The following SNX18 variants were observed in gnomAD, a reference collection of about 807,000 sequenced individuals.
The protein encoded by SNX18 is sorting nexin-18.
In SNX18, 35 loss-of-function variants were observed where a neutral mutation model predicts 48.7. The ratio of observed to expected loss-of-function variants is 0.72; its 90% CI spans 0.55 to 0.95. The LOEUF is 0.95. Ranked by LOEUF, SNX18 falls within the 40% of genes least tolerant of loss-of-function variation. SNX18 has a pLI of 0.00. For missense variants in SNX18, 824 were observed against 871.0 expected (o/e 0.95, Z 0.68); for synonymous variants, 492 against 384.7 (o/e 1.28, Z -3.26).
At chr5:54,531,865 C>T (rs1762257856) in intron 1 of SNX18, among the ~76,000 whole-genome samples, 1 of 152,218 alleles carries the variant, frequency 6.6e-6, no homozygotes, top group Non-Finnish European at 1.5e-5. Context: ...TCGGTACCAC[C>T]GTGGCATACA....
chr5:54,640,037 C>T, the SNX18 span, among the ~76,000 whole-genome samples: 3 of 152,088 alleles, frequency 2.0e-5, no homozygotes, highest in African/African-American at 7.2e-5. Context: ...TGAGACTGAA[C>T]ATACGGGGAT....
At chr5:54,602,761 C>T in the SNX18 span, among the ~76,000 whole-genome samples, 1 of 152,146 alleles carries the variant, frequency 6.6e-6, no homozygotes, top group African/African-American at 2.4e-5. Context: ...TATACATTGG[C>T]CTCCTTCCGG....
At position 54,543,237 on chromosome 5, in the gene SNX18, G is replaced by T. The variant is rs763906680; in HGVS notation, c.1680G>T (p.Val560=). 6.2e-7 allele frequency: 1 copy of T among 1,614,132 alleles called. No individual in the cohort carries two copies. The highest frequency in any genetic ancestry group is 1.1e-5 in the South Asian group (1 of 91,074). Residue 560 remains valine (V), a synonymous_variant, in exon 2 of 2, where the codon GTG becomes GTT. Coordinates refer to ENST00000381410, the MANE Select transcript of SNX18 (RefSeq NM_001102575.2). ...RRHVEEGKME[V]QKADGIQDRC... ...ACGTGGAGGAAGGGAAGATGGAGGT[G>T]CAGAAGGCTGACGGCATTCAGGATC...
chr5:54,543,237 G>C lies in SNX18; in HGVS notation c.1680G>C (p.Val560=). 6.2e-7 allele frequency: 1 copy of C among 1,614,132 alleles called. No homozygotes were observed. Among genetic ancestry groups the C allele is most frequent in the Non-Finnish European group, 8.5e-7 (1 of 1,180,016 alleles). ...RRHVEEGKME[V]QKADGIQDRC... is the part of the protein sequence containing the mutation. ...ACGTGGAGGAAGGGAAGATGGAGGT[G>C]CAGAAGGCTGACGGCATTCAGGATC... The change falls in exon 2 of 2, where the codon GTG becomes GTC. Residue 560 remains valine (V), a synonymous_variant. Transcript: ENST00000381410.
the SNX18 span, among the ~76,000 whole-genome samples, chr5:54,619,463 G>A: frequency 1.3e-5 from 2 of 152,142 alleles, no homozygotes; most frequent in Admixed American, 1.3e-4. Flanking sequence ...CTTGAATTTT[G>A]ATCACATCAC....
At chr5:54,644,556 G>A in the SNX18 span, 6 of 152,162 alleles carry the variant, frequency 3.9e-5, no homozygotes, top group African/African-American at 1.2e-4. Context: ...TTCCCAACAG[G>A]AAAATCACAT....
At chr5:54,588,306 C>CTTTTTTTTTTTTTTTTTTTTTTTT in the SNX18 span, among the ~76,000 whole-genome samples, 1 of 73,910 alleles carries the variant, frequency 1.4e-5, no homozygotes. Context: ...TATTTCTATT[C>CTTTTTTTTTTTTTTTTTTTTTTTT]TTTTTTTTTT....
chr5:54,590,911 G>A, the SNX18 span, among the ~76,000 whole-genome samples: 1 of 152,108 alleles, frequency 6.6e-6, no homozygotes, highest in Admixed American at 6.5e-5. Flanking sequence ...ATGAGTAAAT[G>A]TTCATTTGAT....
chr5:54,634,790 A>G, the SNX18 span, among the ~76,000 whole-genome samples: 4 of 152,170 alleles, frequency 2.6e-5, no homozygotes, highest in African/African-American at 9.7e-5. Flanking sequence ...CATATAATAC[A>G]TTTATAAATA....
At chr5:54,602,906 TAAC>T in the SNX18 span, among the ~76,000 whole-genome samples, 1 of 152,110 alleles carries the variant, frequency 6.6e-6, no homozygotes, top group African/African-American at 2.4e-5. Flanking sequence ...GAGAAGCAGT[TAAC>T]AACTGCCTGA....
the SNX18 span, among the ~76,000 whole-genome samples, chr5:54,552,580 A>G: frequency 6.6e-6 from 1 of 152,232 alleles, no homozygotes; most frequent in Non-Finnish European, 1.5e-5. Context: ...CAGTGCCAGC[A>G]CACATTGGAG....
At chr5:54,519,965 C>T in intron 1 of SNX18, 3 of 774,266 alleles carry the variant, frequency 3.9e-6, no homozygotes, top group Non-Finnish European at 6.1e-6. Context: ...TGGTGAGTTT[C>T]AAAAAGTGAG....
chr5:54,593,042 C>T, the SNX18 span, among the ~76,000 whole-genome samples: 1 of 152,072 alleles, frequency 6.6e-6, no homozygotes, highest in Admixed American at 6.6e-5. Flanking sequence ...CTCATGTGAT[C>T]CACACGCCTC....
At chr5:54,569,951 T>A in the SNX18 span, among the ~76,000 whole-genome samples, 2 of 152,158 alleles carry the variant, frequency 1.3e-5, no homozygotes, top group Non-Finnish European at 2.9e-5. Context: ...TTTTATTTTT[T>A]TATATATATA....
the SNX18 span, among the ~76,000 whole-genome samples, chr5:54,555,834 AAAAAAAG>A: frequency 1.3e-5 from 2 of 152,074 alleles, no homozygotes; most frequent in African/African-American, 2.4e-5. Flanking sequence ...CTCAAAAAAA[AAAAAAAG>A]AAAAAAGAAT....
At chr5:54,553,220 C>A in the SNX18 span, among the ~76,000 whole-genome samples, 2 of 152,194 alleles carry the variant, frequency 1.3e-5, no homozygotes, top group Non-Finnish European at 2.9e-5. Flanking sequence ...CAGGAAAGAA[C>A]ATGATCTGCC....
chr5:54,635,835 A>G, the SNX18 span, among the ~76,000 whole-genome samples: 1,141 of 152,310 alleles, frequency 7.5e-3, 48 homozygotes, highest in South Asian at 0.09. Flanking sequence ...CATTGGCTTC[A>G]ACATTTTCTT....
chr5:54,525,377 T>TAACA (rs1762111957), intron 1 of SNX18, among the ~76,000 whole-genome samples: 1 of 144,014 alleles, frequency 6.9e-6, no homozygotes, highest in Non-Finnish European at 1.5e-5. Context: ...CTTGTCTCTT[T>TAACA]AAAAAAAAAA....
intron 1 of SNX18, among the ~76,000 whole-genome samples, chr5:54,541,753 A>G (rs1762475440): frequency 6.6e-6 from 1 of 152,200 alleles, no homozygotes; most frequent in African/African-American, 2.4e-5. Flanking sequence ...ACGTACATAT[A>G]TATGGATGAA....
Sources: gnomAD v4.1 joint callset for allele counts (sites outside exome capture counted in the v4.1 genomes callset) on GRCh38, gnomAD v4.1.1 for gene constraint, MANE v1.5 for transcripts, NCBI Gene and HGNC (gene_info 2026-07-23, HGNC 2026-07-21) for gene names.